The following ZNF609 variants were observed in gnomAD, a reference collection of about 807,000 sequenced individuals.
The protein encoded by ZNF609 is zinc finger protein 609.
Under a neutral mutation model 109.5 loss-of-function variants are expected in ZNF609, and 11 were observed. The observed-to-expected ratio is 0.10, with a 90% confidence interval of 0.06 to 0.17. The LOEUF is 0.17. Ranked by LOEUF, ZNF609 falls within the 10% of genes least tolerant of loss-of-function variation. The pLI is 1.00. For missense variants in ZNF609, 1,559 were observed against 1,772.4 expected (o/e 0.88, Z 2.16); for synonymous variants, 646 against 662.0 (o/e 0.98, Z 0.37).
chr15:64,674,186 C>G lies in ZNF609; in HGVS notation c.1332C>G (p.Pro444=). The G allele has an allele frequency of 6.2e-7, 1 of 1,614,182 alleles. No individual in the cohort carries two copies. The highest frequency in any genetic ancestry group is 1.3e-5 in the African/African-American group (1 of 75,046). The change falls in exon 5 of 10, where the codon CCC becomes CCG. Residue 444 remains proline, a synonymous_variant. Transcript: ENST00000326648. ...PSSANKRKNK[P]LSDMELNSSS... is the part of the protein sequence containing the mutation. ...CAGCTAATAAGCGGAAAAACAAACC[C>G]CTTTCAGACATGGAGCTGAATTCTA...
At position 64,676,104 on chromosome 15, in the gene ZNF609, G is replaced by C; in HGVS notation, c.3250G>C (p.Asp1084His). Reference protein sequence around the residue: ...PAKSVIIPKLDDSSKLPGQAP... With the variant: ...PAKSVIIPKLHDSSKLPGQAP... ...CAAATCAGTCATCATTCCCAAGTTA[G>C]ATGACTCTTCAAAACTCCCGGGCCA... is the stretch of plus-strand genomic sequence containing the variant. Residue 1084 changes from aspartate to histidine, a missense_variant, in exon 5 of 10, where the codon GAT becomes CAT. By Grantham distance (81) the Asp-to-His change is moderately conservative (BLOSUM62 -1). Coordinates refer to ENST00000326648, the MANE Select transcript of ZNF609 (RefSeq NM_015042.2). The C allele has an allele frequency of 6.2e-7, 1 of 1,614,230 alleles. No homozygotes were observed.
At chr15:64,677,565 A>G (rs1168749260) in intron 5 of ZNF609, among the ~76,000 whole-genome samples, 6 of 152,196 alleles carry the variant, frequency 3.9e-5, no homozygotes, top group Non-Finnish European at 7.3e-5. Flanking sequence ...GAGTAGGTCC[A>G]AAGTATACTC....
intron 1 of ZNF609, among the ~76,000 whole-genome samples, chr15:64,461,398 C>T (rs1248584923): frequency 1.3e-5 from 2 of 151,994 alleles, no homozygotes; most frequent in Non-Finnish European, 2.9e-5. Context: ...ATGGAGGGAT[C>T]CCTGGGCCTG....
At chr15:64,567,216 T>C (rs1894789594) in intron 2 of ZNF609, among the ~76,000 whole-genome samples, 2 of 152,154 alleles carry the variant, frequency 1.3e-5, no homozygotes, top group African/African-American at 4.8e-5. Flanking sequence ...CTGGGCGCCA[T>C]GACTCACTTC....
At chr15:64,561,670 A>G (rs1595718920) in intron 2 of ZNF609, among the ~76,000 whole-genome samples, 2 of 151,106 alleles carry the variant, frequency 1.3e-5, no homozygotes, top group African/African-American at 4.9e-5. Flanking sequence ...TGCTGGGATT[A>G]CAGGTGTGAG....
intron 2 of ZNF609, chr15:64,502,452 A>G (rs1595700732): frequency 6.6e-6 from 1 of 152,130 alleles, no homozygotes; most frequent in African/African-American, 2.4e-5. Flanking sequence ...AGAAACAACA[A>G]TCTCCGGTTT....
At chr15:64,576,088 C>A (rs527612717) in intron 2 of ZNF609, among the ~76,000 whole-genome samples, 3 of 151,958 alleles carry the variant, frequency 2.0e-5, no homozygotes, top group Non-Finnish European at 4.4e-5. Flanking sequence ...GGCGACAGAG[C>A]GAGACTCAGT....
chr15:64,600,771 C>G (rs1342116981), intron 2 of ZNF609, among the ~76,000 whole-genome samples: 2 of 151,888 alleles, frequency 1.3e-5, no homozygotes, highest in Admixed American at 6.6e-5. Context: ...TTTATAAGCT[C>G]TATATGTTAA....
At chr15:64,681,264 A>G in intron 8 of ZNF609, 45 bp from the exon 9 acceptor site, 1 of 1,553,984 alleles carries the variant, frequency 6.4e-7, no homozygotes, top group South Asian at 1.1e-5. Context: ...GATTAATGGA[A>G]GGTTTCTGTG....
chr15:64,668,388 C>T (rs552977276), intron 3 of ZNF609, among the ~76,000 whole-genome samples: 1 of 152,180 alleles, frequency 6.6e-6, no homozygotes, highest in Non-Finnish European at 1.5e-5. Flanking sequence ...TTAGAAACAA[C>T]ATGGTGATGA....
intron 2 of ZNF609, among the ~76,000 whole-genome samples, chr15:64,613,568 T>G (rs1895749817): frequency 6.6e-6 from 1 of 152,216 alleles, no homozygotes; most frequent in African/African-American, 2.4e-5. Context: ...ATTTATTTTT[T>G]GAGATGGAGT....
chr15:64,608,408 GATGGTAAT>G (rs1895647900), intron 2 of ZNF609, among the ~76,000 whole-genome samples: 1 of 152,024 alleles, frequency 6.6e-6, no homozygotes, highest in Non-Finnish European at 1.5e-5. Context: ...TTGCAACTGG[GATGGTAAT>G]ATTGATGCAT....
At chr15:64,594,120 T>G (rs925478690) in intron 2 of ZNF609, among the ~76,000 whole-genome samples, 4 of 152,190 alleles carry the variant, frequency 2.6e-5, no homozygotes, top group Non-Finnish European at 5.9e-5. Flanking sequence ...AAGAATAGGT[T>G]GATACTGAAC....
intron 2 of ZNF609, among the ~76,000 whole-genome samples, chr15:64,591,797 C>A (rs903813677): frequency 1.3e-5 from 2 of 151,816 alleles, no homozygotes; most frequent in Admixed American, 1.3e-4. Flanking sequence ...CTCGACCTAC[C>A]GTGCACCGGG....
At chr15:64,555,908 A>T (rs943863816) in intron 2 of ZNF609, among the ~76,000 whole-genome samples, 1 of 151,126 alleles carries the variant, frequency 6.6e-6, no homozygotes, top group Non-Finnish European at 1.5e-5. Context: ...AAAAAAAAAA[A>T]AAAGAAAACC....
chr15:64,502,941 C>G (rs1219831842), intron 2 of ZNF609: 1 of 152,118 alleles, frequency 6.6e-6, no homozygotes, highest in Non-Finnish European at 1.5e-5. Flanking sequence ...CACCCGTAAT[C>G]CCAGCTACTG....
chr15:64,646,527 G>A lies in ZNF609; in HGVS notation c.973+23475G>A, dbSNP rs139806617. Among the ~76,000 whole-genome samples, 538 of 151,218 alleles carry A rather than the reference G, an allele frequency of 3.6e-3. 2 individuals carry two copies. The highest frequency in any genetic ancestry group is 0.013 in the African/African-American group (515 of 41,092). ...CACACACCTGTAACCCTAGCTACAC[G>A]GGAGGCTGAGGAAGGAGAATCGCTT... On this transcript the variant is annotated intron_variant, in intron 3 of 9. Transcript: ENST00000326648.
intron 2 of ZNF609, among the ~76,000 whole-genome samples, chr15:64,532,846 TG>T (rs994754927): frequency 5.3e-5 from 8 of 152,172 alleles, no homozygotes; most frequent in African/African-American, 1.9e-4. Context: ...AAAAGAGGAC[TG>T]GGGCTTCAGC....
chr15:64,472,384 A>G (rs1893103622), intron 1 of ZNF609, among the ~76,000 whole-genome samples: 1 of 152,220 alleles, frequency 6.6e-6, no homozygotes. Flanking sequence ...TCATGCTGGT[A>G]CCTATAGTTT....
Sources: gnomAD v4.1 joint callset for allele counts (sites outside exome capture counted in the v4.1 genomes callset) on GRCh38, gnomAD v4.1.1 for gene constraint, MANE v1.5 for transcripts, NCBI Gene and HGNC (gene_info 2026-07-23, HGNC 2026-07-21) for gene names.